NEK6: variants seen among roughly 807,000 people sequenced by gnomAD.
NEK6 encodes serine/threonine-protein kinase Nek6.
Under a neutral mutation model 43.5 loss-of-function variants are expected in NEK6, and 27 were observed. The observed-to-expected ratio is 0.62, with a 90% CI of 0.46 to 0.86. NEK6 has a LOEUF of 0.86. Among genes scored for constraint, NEK6 ranks in the 40% least tolerant of loss-of-function variants. NEK6 has a pLI of 0.00. For synonymous variants in NEK6, 167 were observed against 164.1 expected (o/e 1.02, Z -0.14); for missense variants, 318 against 414.4 (o/e 0.77, Z 2.02).
At chr9:124,285,109 GAAGGC>G (rs1232569379) in intron 1 of NEK6, among the ~76,000 whole-genome samples, 1 of 152,176 alleles carries the variant, frequency 6.6e-6, no homozygotes, top group Non-Finnish European at 1.5e-5. Context: ...TTTCGTTTTG[GAAGGC>G]AAGCCCAGGT....
At chr9:124,274,147 A>G (rs891973956) in intron 1 of NEK6, among the ~76,000 whole-genome samples, 11 of 152,252 alleles carry the variant, frequency 7.2e-5, no homozygotes, top group African/African-American at 2.2e-4. Flanking sequence ...AAACTCTTAC[A>G]AATGGATGCT....
At chr9:124,325,794 C>T (rs2130942360) in intron 5 of NEK6, among the ~76,000 whole-genome samples, 1 of 152,352 alleles carries the variant, frequency 6.6e-6, no homozygotes, top group East Asian at 1.9e-4. Context: ...AAGCCCATTT[C>T]CTCAAGGTTC....
chr9:124,309,655 C>T (rs1015870824), intron 2 of NEK6, among the ~76,000 whole-genome samples: 2 of 152,342 alleles, frequency 1.3e-5, no homozygotes, highest in African/African-American at 4.8e-5. Flanking sequence ...ATAGAGCTGT[C>T]TAAGCAGCTG....
intron 1 of NEK6, among the ~76,000 whole-genome samples, chr9:124,282,957 C>T (rs954870278): frequency 2.6e-5 from 4 of 152,334 alleles, no homozygotes; most frequent in African/African-American, 9.6e-5. Context: ...CACAGCCTCC[C>T]CCGCTTTGTG....
intron 7 of NEK6, among the ~76,000 whole-genome samples, chr9:124,329,933 T>C (rs908463774): frequency 1.3e-5 from 2 of 152,250 alleles, no homozygotes; most frequent in Non-Finnish European, 2.9e-5. Flanking sequence ...ATTATGCATC[T>C]GCCGCATCTC....
At chr9:124,308,922 C>T (rs937853791) in intron 2 of NEK6, among the ~76,000 whole-genome samples, 2 of 152,234 alleles carry the variant, frequency 1.3e-5, no homozygotes, top group African/African-American at 4.8e-5. Flanking sequence ...GTGGAACTTG[C>T]GGGGAGCTGA....
chr9:124,305,086 T>A (rs974479682), intron 2 of NEK6, among the ~76,000 whole-genome samples: 1 of 152,090 alleles, frequency 6.6e-6, no homozygotes, highest in Non-Finnish European at 1.5e-5. Context: ...GCAAAGCCAG[T>A]TGGGATGTGC....
chr9:124,303,375 T>G (rs1358970181), intron 2 of NEK6, among the ~76,000 whole-genome samples: 1 of 152,182 alleles, frequency 6.6e-6, no homozygotes, highest in Non-Finnish European at 1.5e-5. Flanking sequence ...TTGACCTCAA[T>G]GGCAAGGTTG....
chr9:124,322,422 ACCT>A (rs1314326939), intron 5 of NEK6, among the ~76,000 whole-genome samples: 3 of 151,998 alleles, frequency 2.0e-5, no homozygotes, highest in Non-Finnish European at 4.4e-5. Flanking sequence ...AAACAGCAGC[ACCT>A]CCTGCCAGCC....
chr9:124,321,640 A>T, intron 5 of NEK6, 71 bp downstream of exon 5: 8 of 1,034,752 alleles, frequency 7.7e-6, no homozygotes, highest in Non-Finnish European at 1.2e-5. Context: ...GTCTTCCTTT[A>T]GCCCAGTCCC....
At chr9:124,282,555 C>T (rs1432164829) in intron 1 of NEK6, among the ~76,000 whole-genome samples, 2 of 152,132 alleles carry the variant, frequency 1.3e-5, no homozygotes, top group Non-Finnish European at 2.9e-5. Context: ...CAGGAGGAGA[C>T]AGGAGACCAA....
Position 124,331,531 on chromosome 9 carries a change from G to A in NEK6, c.622+4086G>A, listed in dbSNP as rs190179754. The stretch of plus-strand genomic sequence containing the variant: ...AAGGGGTCGAGAGAGGATCCCCAGC[G>A]AGACCTCAGGTGCGAGGAACACCTA... On this transcript the variant is annotated intron_variant, in intron 7 of 9. Transcript: ENST00000320246. Among the ~76,000 whole-genome samples the A allele has an allele frequency of 7.0e-4, 107 of 152,246 alleles. 1 individual carries two copies. The highest frequency in any genetic ancestry group is 1.6e-3 in the Admixed American group (24 of 15,296).
chr9:124,322,567 C>A (rs542451443), intron 5 of NEK6, among the ~76,000 whole-genome samples: 1 of 152,242 alleles, frequency 6.6e-6, no homozygotes. Flanking sequence ...GCCTGCCTGA[C>A]CCCCAGGCCC....
At chr9:124,295,182 A>G (rs1588472175) in intron 1 of NEK6, among the ~76,000 whole-genome samples, 1 of 152,208 alleles carries the variant, frequency 6.6e-6, no homozygotes, top group South Asian at 2.1e-4. Flanking sequence ...GCATCCCTGC[A>G]CCTTAGAGCA....
intron 1 of NEK6, among the ~76,000 whole-genome samples, chr9:124,270,636 G>A (rs1831401832): frequency 6.6e-6 from 1 of 152,126 alleles, no homozygotes; most frequent in Non-Finnish European, 1.5e-5. Context: ...TACTTTCAGG[G>A]TGAGTGCAGA....
chr9:124,261,297 T>C (rs1831021135), intron 1 of NEK6: 2 of 687,226 alleles, frequency 2.9e-6, no homozygotes, highest in African/African-American at 3.9e-5. Flanking sequence ...TTCTTTTCTT[T>C]AAGTGCCCCA....
intron 2 of NEK6, among the ~76,000 whole-genome samples, chr9:124,310,063 G>A (rs1395389262): frequency 6.6e-6 from 1 of 152,204 alleles, no homozygotes; most frequent in African/African-American, 2.4e-5. Context: ...GGGGTCTTGA[G>A]TGAAAAGCCG....
chr9:124,297,058 C>T (rs1241515218), intron 1 of NEK6, among the ~76,000 whole-genome samples: 1 of 152,222 alleles, frequency 6.6e-6, no homozygotes, highest in Non-Finnish European at 1.5e-5. Context: ...GCAGCCACGG[C>T]TCACGTAGAT....
Position 124,343,001 on chromosome 9 carries a change from G to A in NEK6, c.717+3336G>A, listed in dbSNP as rs898647904. On this transcript the variant is annotated intron_variant, in intron 8 of 9. Transcript: ENST00000320246. The surrounding 1 kb of genome is among the most constrained non-coding windows in gnomAD (Gnocchi z 5.1). Reference sequence around the variant, plus strand: ...CGTTCCCTGCCTCAGTCTTTGTCTCGGCTCTGCAGAGGCAGGCACAGCCCA... The same window carrying A: ...CGTTCCCTGCCTCAGTCTTTGTCTCAGCTCTGCAGAGGCAGGCACAGCCCA... Among the ~76,000 whole-genome samples, 30 of 152,142 alleles carry A rather than the reference G, an allele frequency of 2.0e-4. No homozygotes were observed. The highest frequency in any genetic ancestry group is 1.4e-3 in the Admixed American group (21 of 15,284).
Sources: allele counts gnomAD v4.1 joint callset (sites outside exome capture counted in the v4.1 genomes callset), GRCh38; gene constraint gnomAD v4.1.1; non-coding constraint Gnocchi (gnomAD v3.1); transcripts MANE v1.5; gene names NCBI Gene and HGNC (gene_info 2026-07-23, HGNC 2026-07-21).